Variants in SYNPO2 observed in about 807,000 individuals in gnomAD.
SYNPO2 encodes synaptopodin-2.
SYNPO2 carries 56 observed loss-of-function variants against 85.0 expected under a neutral mutation model. The observed-to-expected ratio is 0.66, with a 90% CI of 0.53 to 0.82. The LOEUF (loss-of-function observed/expected upper bound fraction) is 0.82, where lower values mean the gene tolerates loss of function less well. Among genes scored for constraint, SYNPO2 ranks in the 40% least tolerant of loss-of-function variants. The pLI is 0.00. For missense variants in SYNPO2, 1,575 were observed against 1,534.2 expected, an observed-to-expected ratio of 1.03 and a Z score of -0.44; for synonymous variants, 602 against 591.1, an observed-to-expected ratio of 1.02 and a Z score of -0.27.
At chr4:119,044,845 C>T (rs940488556) in intron 4 of SYNPO2, among the ~76,000 whole-genome samples, 1 of 152,210 alleles carries the variant, frequency 6.6e-6, no homozygotes, top group Non-Finnish European at 1.5e-5. Context: ...AGTCATTTTC[C>T]TCATCCTGTA....
intron 1 of SYNPO2, among the ~76,000 whole-genome samples, chr4:118,876,010 G>A (rs1731899293): frequency 6.6e-6 from 1 of 152,204 alleles, no homozygotes; most frequent in Non-Finnish European, 1.5e-5. Flanking sequence ...CCAGTACCAT[G>A]AGAAGGGGAA....
At chr4:119,017,457 G>T (rs1737562879) in intron 1 of SYNPO2, among the ~76,000 whole-genome samples, 1 of 152,052 alleles carries the variant, frequency 6.6e-6, no homozygotes, top group Admixed American at 6.6e-5. Context: ...GTATGAGGCA[G>T]TTTTGAGAAA....
intron 1 of SYNPO2, among the ~76,000 whole-genome samples, chr4:118,865,604 G>A (rs1264112898): frequency 6.6e-6 from 1 of 152,150 alleles, no homozygotes; most frequent in African/African-American, 2.4e-5. Context: ...GTTGAGATTT[G>A]GCTGAGAGTG....
chr4:118,876,724 T>TCTTTCTTTCTTTCTGC (rs1553934688), intron 1 of SYNPO2, among the ~76,000 whole-genome samples: 6 of 124,102 alleles, frequency 4.8e-5, no homozygotes, highest in African/African-American at 1.8e-4. Context: ...TTTCTTTCTT[T>TCTTTCTTTCTTTCTGC]CTTTCTTTCT....
chr4:119,014,306 C>T (rs780050449), intron 1 of SYNPO2, among the ~76,000 whole-genome samples: 1 of 152,200 alleles, frequency 6.6e-6, no homozygotes, highest in East Asian at 1.9e-4. Context: ...CCCAGCTACT[C>T]GGGAGGCTGA....
At chr4:118,996,058 A>C (rs1010886395) in intron 1 of SYNPO2, among the ~76,000 whole-genome samples, 3 of 152,072 alleles carry the variant, frequency 2.0e-5, no homozygotes, top group Admixed American at 6.6e-5. Flanking sequence ...GAAAGCCTGA[A>C]CTCCATTATG....
intron 1 of SYNPO2, among the ~76,000 whole-genome samples, chr4:118,967,694 T>C (rs1223709338): frequency 6.6e-6 from 1 of 152,232 alleles, no homozygotes; most frequent in Non-Finnish European, 1.5e-5. Context: ...TGTTTTCCCC[T>C]ATGCTTTTGG....
At chr4:118,873,942 C>T (rs1256030199) in intron 1 of SYNPO2, among the ~76,000 whole-genome samples, 2 of 111,090 alleles carry the variant, frequency 1.8e-5, no homozygotes, top group East Asian at 6.2e-4. Context: ...AAAGAGTGTC[C>T]TTTTCCCACC....
chr4:119,051,946 G>C (rs1286235650), intron 4 of SYNPO2, among the ~76,000 whole-genome samples: 1 of 152,220 alleles, frequency 6.6e-6, no homozygotes, highest in Non-Finnish European at 1.5e-5. Flanking sequence ...CTGTGAGAAG[G>C]AATTCCAGAG....
intron 1 of SYNPO2, among the ~76,000 whole-genome samples, chr4:118,958,869 C>T (rs1312063873): frequency 6.6e-6 from 1 of 152,130 alleles, no homozygotes; most frequent in African/African-American, 2.4e-5. Flanking sequence ...GGAACCACTT[C>T]TGATTTTTTG....
intron 1 of SYNPO2, among the ~76,000 whole-genome samples, chr4:118,983,163 C>T (rs894076650): frequency 1.2e-4 from 19 of 152,262 alleles, no homozygotes; most frequent in African/African-American, 4.6e-4. Flanking sequence ...GTTTTCTTCC[C>T]TTCATTGTTA....
chr4:118,886,488 T>A (rs575053925), upstream of SYNPO2, among the ~76,000 whole-genome samples: 2 of 152,264 alleles, frequency 1.3e-5, no homozygotes, highest in African/African-American at 4.8e-5. Flanking sequence ...CACTTATGAG[T>A]GAGAACATGT....
rs541623871 is a variant in SYNPO2, at chr4:118,974,287, T to C, written c.106-49143T>C. Reference sequence around the variant, plus strand: ...TCTCAGGCCTTAGAGATTCCATACCTAGTTGTAGTGGTGGCTCTTTTTAGA... The same window carrying C: ...TCTCAGGCCTTAGAGATTCCATACCCAGTTGTAGTGGTGGCTCTTTTTAGA... On this transcript the variant is annotated intron_variant, in intron 1 of 4. Transcript: ENST00000307142. 2.6e-5 allele frequency among the ~76,000 whole-genome samples: 4 copies of C among 152,360 alleles called. No individual in the cohort carries two copies. In the East Asian group the frequency reaches 7.7e-4, roughly 29 times the overall value.
rs569881992 is a variant in SYNPO2, at chr4:118,960,588, T to C, written c.106-62842T>C. On this transcript the variant is annotated intron_variant, in intron 1 of 4. Transcript: ENST00000307142. Reference sequence around the variant, plus strand: ...ATTAATTTAAATCTCCAATCCTGACTTCTCAGAGTACCATACTGAGACATC... The same window carrying C: ...ATTAATTTAAATCTCCAATCCTGACCTCTCAGAGTACCATACTGAGACATC... Among the ~76,000 whole-genome samples, 5 of 152,310 alleles carry C rather than the reference T, an allele frequency of 3.3e-5. No homozygotes were observed. In the South Asian group the frequency reaches 1.0e-3, roughly 32 times the overall value.
At chr4:119,033,879 T>C (rs1042512738) in intron 4 of SYNPO2, 4 of 985,276 alleles carry the variant, frequency 4.1e-6, no homozygotes, top group Non-Finnish European at 4.8e-6. Flanking sequence ...AAAACTGTAA[T>C]CCTTAGGTAT....
chr4:118,914,861 G>A (rs1190115362), intron 1 of SYNPO2, among the ~76,000 whole-genome samples: 9 of 152,048 alleles, frequency 5.9e-5, no homozygotes, highest in Admixed American at 5.3e-4. Flanking sequence ...GTAAGACAGG[G>A]TAGTTACTCT....
At chr4:119,001,634 T>G (rs1446933080) in intron 1 of SYNPO2, among the ~76,000 whole-genome samples, 1 of 152,108 alleles carries the variant, frequency 6.6e-6, no homozygotes, top group Non-Finnish European at 1.5e-5. Context: ...CTTTTTAAAA[T>G]TTAGTTCTTA....
At chr4:118,850,785 A>G (rs1560792290) in exon 1 of SYNPO2, 3 of 398,578 alleles carry the variant, frequency 7.5e-6, no homozygotes, top group Admixed American at 4.4e-5. Context: ...GCGAAGCTCC[A>G]ATCTTGAGGA....
In SYNPO2 at chr4:119,029,996, C is replaced by T; in HGVS notation, c.1221C>T (p.Tyr407=). Residue 407 remains tyrosine, a synonymous_variant, in exon 4 of 5, where the codon TAC becomes TAT. Transcript: ENST00000307142. The part of the protein sequence containing the change: ...FKKRRRRARK[Y]TLVSYGTGEL... ...AGCGACGTCGGAGGGCCAGGAAATA[C>T]ACCCTAGTTAGCTACGGTACTGGCG... is the stretch of plus-strand genomic sequence containing the variant. 6.2e-7 allele frequency: 1 copy of T among 1,614,094 alleles called. No individual in the cohort carries two copies. The highest frequency in any genetic ancestry group is 1.1e-5 in the South Asian group (1 of 91,074).
Sources: gnomAD v4.1 joint callset for allele counts (sites outside exome capture counted in the v4.1 genomes callset) on GRCh38, gnomAD v4.1.1 for gene constraint, MANE v1.5 for transcripts, NCBI Gene and HGNC (gene_info 2026-07-23, HGNC 2026-07-21) for gene names.